Variants in DAB1 observed in about 807,000 individuals in gnomAD.
DAB1 encodes DAB adaptor protein 1.
Under a neutral mutation model 64.6 loss-of-function variants are expected in DAB1, and 15 were observed. That is an observed-to-expected ratio of 0.23 (90% confidence interval 0.16 to 0.36). The LOEUF (loss-of-function observed/expected upper bound fraction) is 0.36. Ranked by LOEUF, DAB1 falls within the 10% of genes least tolerant of loss-of-function variation. The probability of loss-of-function intolerance (pLI) is 1.00; values close to 1 mark genes in which losing one functional copy is unlikely to be tolerated. For synonymous variants in DAB1, 235 were observed against 251.9 expected (o/e 0.93, Z 0.64); for missense variants, 596 against 706.7 (o/e 0.84, Z 1.78).
intron 6 of DAB1, among the ~76,000 whole-genome samples, chr1:57,777,141 CTTTTTTTT>C (rs71051255): frequency 6.6e-5 from 6 of 90,404 alleles, no homozygotes; most frequent in Non-Finnish European, 1.1e-4. Flanking sequence ...TTCTGAATTT[CTTTTTTTT>C]TTTTTTTTTT....
chr1:57,810,989 C>T (rs911008804), intron 6 of DAB1, among the ~76,000 whole-genome samples: 2 of 152,196 alleles, frequency 1.3e-5, no homozygotes, highest in Non-Finnish European at 2.9e-5. Context: ...CAGTTGCCAG[C>T]ATTCCTTGGC....
chr1:57,666,819 C>A (rs1347356167), intron 6 of DAB1, among the ~76,000 whole-genome samples: 2 of 141,158 alleles, frequency 1.4e-5, no homozygotes, highest in Non-Finnish European at 3.0e-5. Flanking sequence ...ATATTCTCAA[C>A]AATGCAGCTA....
chr1:57,166,448 C>A (rs1429297573), intron 2 of DAB1, among the ~76,000 whole-genome samples: 1 of 152,094 alleles, frequency 6.6e-6, no homozygotes, highest in Non-Finnish European at 1.5e-5. Context: ...AACACATAAA[C>A]CTTTGAAAAC....
chr1:58,443,896 C>G (rs962518716), intron 3 of DAB1, among the ~76,000 whole-genome samples: 1 of 152,168 alleles, frequency 6.6e-6, no homozygotes, highest in Non-Finnish European at 1.5e-5. Context: ...TCTATTTTTT[C>G]TAACTCTGCC....
chr1:57,641,484 C>T (rs894726232), intron 7 of DAB1, among the ~76,000 whole-genome samples: 54 of 139,486 alleles, frequency 3.9e-4, no homozygotes, highest in Middle Eastern at 4.3e-3. Flanking sequence ...CTGGGGTTTA[C>T]GCCATTCTCC....
chr1:57,240,997 A>G (rs761785484), intron 2 of DAB1, among the ~76,000 whole-genome samples: 1 of 152,194 alleles, frequency 6.6e-6, no homozygotes, highest in Non-Finnish European at 1.5e-5. Context: ...AACAGACAAT[A>G]GTTACATTTG....
intron 5 of DAB1, among the ~76,000 whole-genome samples, chr1:58,004,733 G>T (rs1034695983): frequency 6.6e-6 from 1 of 152,034 alleles, no homozygotes; most frequent in Non-Finnish European, 1.5e-5. Context: ...ACACACGCAC[G>T]TGCCCTGTTT....
At chr1:57,655,741 T>C (rs914974612) in intron 6 of DAB1, among the ~76,000 whole-genome samples, 1 of 152,098 alleles carries the variant, frequency 6.6e-6, no homozygotes, top group African/African-American at 2.4e-5. Flanking sequence ...ACTACAAATA[T>C]AGTGGAACAA....
intron 7 of DAB1, among the ~76,000 whole-genome samples, chr1:57,467,418 A>C (rs1315680414): frequency 1.3e-5 from 2 of 152,186 alleles, no homozygotes; most frequent in South Asian, 4.1e-4. Flanking sequence ...ACCACTTAGG[A>C]GGATATTAGG....
At chr1:58,198,655 T>C (rs1404908877) in intron 4 of DAB1, among the ~76,000 whole-genome samples, 1 of 152,238 alleles carries the variant, frequency 6.6e-6, no homozygotes, top group Non-Finnish European at 1.5e-5. Context: ...AGATTAGACA[T>C]ATGACCCAGC....
At chr1:57,331,837 T>C (rs1676697106) in intron 1 of DAB1, among the ~76,000 whole-genome samples, 1 of 152,208 alleles carries the variant, frequency 6.6e-6, no homozygotes, top group Non-Finnish European at 1.5e-5. Context: ...TTTGAGCTCA[T>C]AAAGAACAAA....
At chr1:57,109,992 C>A (rs530511181) in intron 4 of DAB1, among the ~76,000 whole-genome samples, 2 of 152,182 alleles carry the variant, frequency 1.3e-5, no homozygotes, top group South Asian at 4.2e-4. Context: ...GGGGACAGGA[C>A]AAGGCCTGAG....
intron 7 of DAB1, among the ~76,000 whole-genome samples, chr1:57,438,781 C>T (rs1233013212): frequency 6.6e-6 from 1 of 152,088 alleles, no homozygotes; most frequent in Non-Finnish European, 1.5e-5. Flanking sequence ...CTTTGTGGAA[C>T]TAACAGTACT....
At chr1:57,793,907 CAG>C (rs1650720168) in intron 6 of DAB1, among the ~76,000 whole-genome samples, 1 of 152,176 alleles carries the variant, frequency 6.6e-6, no homozygotes, top group Non-Finnish European at 1.5e-5. Flanking sequence ...TCTGAATCCA[CAG>C]AGTGTTTGCC....
chr1:57,616,402 T>C (rs1570676940), intron 7 of DAB1, among the ~76,000 whole-genome samples: 1 of 96,788 alleles, frequency 1.0e-5, no homozygotes, highest in Non-Finnish European at 2.7e-5. Flanking sequence ...TATTGAATCT[T>C]TTTTTAATGC....
rs137881370 is a variant in DAB1, at chr1:57,543,191, T to A, written n.625+106401A>T. Among the ~76,000 whole-genome samples the A allele has an allele frequency of 1.8e-3, 272 of 152,310 alleles. 2 individuals are homozygous for A. The highest frequency in any genetic ancestry group is 6.1e-3 in the African/African-American group (254 of 41,562). Reference sequence around the variant, plus strand: ...AAAGGATTGTTGTTAAGTTTCACGGTTTTCTACCTAGGAATAGATAATTAA... The same window carrying A: ...AAAGGATTGTTGTTAAGTTTCACGGATTTCTACCTAGGAATAGATAATTAA... On this transcript the variant is annotated intron_variant and non_coding_transcript_variant, in intron 7 of 20. Transcript: ENST00000485760.
At chr1:57,201,173 G>A (rs1665066821) in intron 2 of DAB1, among the ~76,000 whole-genome samples, 1 of 152,116 alleles carries the variant, frequency 6.6e-6, no homozygotes, top group African/African-American at 2.4e-5. Context: ...CTTGCTATAG[G>A]GTTTTTGTGG....
chr1:58,545,958 A>T (rs1646695985), intron 1 of DAB1, among the ~76,000 whole-genome samples: 1 of 152,184 alleles, frequency 6.6e-6, no homozygotes, highest in South Asian at 2.1e-4. Flanking sequence ...AGATGAACCT[A>T]AATCCTTTTA....
chr1:57,066,780 T>C (rs531934608), intron 8 of DAB1, among the ~76,000 whole-genome samples: 181 of 152,328 alleles, frequency 1.2e-3, no homozygotes, highest in African/African-American at 3.9e-3. Flanking sequence ...CGTTTTCACA[T>C]CACTGCTAGG....
Sources: allele counts gnomAD v4.1 joint callset (sites outside exome capture counted in the v4.1 genomes callset), GRCh38; gene constraint gnomAD v4.1.1; transcripts MANE v1.5; gene names NCBI Gene and HGNC (gene_info 2026-07-23, HGNC 2026-07-21).